HVCN1: variants seen among roughly 807,000 people sequenced by gnomAD.
The protein encoded by HVCN1 is voltage-gated hydrogen channel 1.
HVCN1 carries 14 observed loss-of-function variants against 29.2 expected under a neutral mutation model. The observed-to-expected ratio is 0.48, with a 90% CI of 0.32 to 0.75. The LOEUF (loss-of-function observed/expected upper bound fraction) is 0.75. Among genes scored for constraint, HVCN1 ranks in the 30% least tolerant of loss-of-function variants. The pLI is 0.04. For missense variants in HVCN1, 263 were observed against 341.8 expected, an observed-to-expected ratio of 0.77 and a Z score of 1.82; for synonymous variants, 131 against 133.2, an observed-to-expected ratio of 0.98 and a Z score of 0.11.
chr12:110,656,534 A>T (rs925493759), intron 4 of HVCN1, among the ~76,000 whole-genome samples: 1 of 152,134 alleles, frequency 6.6e-6, no homozygotes, highest in African/African-American at 2.4e-5. Context: ...AAGGACCTCG[A>T]GTGACCCTTC....
intron 2 of HVCN1, among the ~76,000 whole-genome samples, chr12:110,684,760 C>A (rs970971141): frequency 2.0e-5 from 3 of 152,134 alleles, no homozygotes; most frequent in African/African-American, 7.2e-5. Flanking sequence ...GTGATCTATG[C>A]ATGTAGTAAA....
rs146855907 is a variant in HVCN1 at position 110,651,375 on chromosome 12, C to T, written c.485G>A (p.Arg162His). Residue 162 changes from arginine to histidine, a missense_variant, in exon 6 of 8, where the codon CGC (arginine) becomes CAC (histidine). Around this residue, in one of 3 missense-constraint regions of HVCN1, gnomAD observed 55 missense variants for 109.4 expected, o/e 0.50. Transcript: ENST00000242607. Reference sequence around the variant, plus strand: ...AAACTTGTGGTGAAAGAACTCCAGGCGGAAGACAAATAATTTAAAGATGAT... The same window carrying T: ...AAACTTGTGGTGAAAGAACTCCAGGTGGAAGACAAATAATTTAAAGATGAT... The part of the protein sequence containing the change: ...MEIIFKLFVF[R>H]LEFFHHKFEI... The T allele has an allele frequency of 3.2e-5, 51 of 1,613,754 alleles. No individual in the cohort carries two copies. The highest frequency in any genetic ancestry group is 1.6e-4 in the Middle Eastern group (1 of 6,084).
At chr12:110,655,776 C>G (rs555776274) in intron 4 of HVCN1, among the ~76,000 whole-genome samples, 1 of 151,798 alleles carries the variant, frequency 6.6e-6, no homozygotes, top group Non-Finnish European at 1.5e-5. Context: ...ATGATCTCGC[C>G]TCACTGCAAC....
At chr12:110,696,844 A>C (rs1326102906) in intron 2 of HVCN1, among the ~76,000 whole-genome samples, 1 of 152,206 alleles carries the variant, frequency 6.6e-6, no homozygotes, top group African/African-American at 2.4e-5. Context: ...TTTGATTAAA[A>C]AAGATAACTC....
intron 2 of HVCN1, among the ~76,000 whole-genome samples, chr12:110,696,973 G>A (rs1269137649): frequency 6.6e-6 from 1 of 152,004 alleles, no homozygotes; most frequent in African/African-American, 2.4e-5. Context: ...GAAGGAAAAA[G>A]GGGCATGATT....
intron 3 of HVCN1, among the ~76,000 whole-genome samples, chr12:110,675,557 T>C (rs2068725103): frequency 6.6e-6 from 1 of 151,972 alleles, no homozygotes; most frequent in Non-Finnish European, 1.5e-5. Context: ...TCTCTGCCAA[T>C]ACAGAGAAAA....
chr12:110,661,237 G>A lies in HVCN1; in HGVS notation c.233C>T (p.Pro78Leu), dbSNP rs770864061. 1 of 1,614,000 alleles carries A rather than the reference G, an allele frequency of 6.2e-7. No individual in the cohort carries two copies. Among genetic ancestry groups the A allele is most frequent in the Admixed American group, 1.7e-5 (1 of 60,024 alleles). The change falls in exon 4 of 8, where the codon CCT becomes CTT. Residue 78 changes from proline (P) to leucine (L), a missense_variant. By Grantham distance (98) the Pro-to-Leu change is moderately conservative. This residue lies in a region of HVCN1 where 157 missense variants were observed against 181.3 expected (regional missense o/e 0.87). Transcript: ENST00000242607. This position sits in a 1 kb window ranked among gnomAD's most constrained non-coding sequence, Gnocchi z 6.2. Reference sequence around the variant, plus strand: ...AAGGGGGGCCCTGGGTGCGGGGCCAGGGGCAGGGGCAACGTCAGGGGCTGC... The same window carrying A: ...AAGGGGGGCCCTGGGTGCGGGGCCAAGGGCAGGGGCAACGTCAGGGGCTGC... ...RAAAPDVAPA[P>L]GPAPRAPLDF...
upstream of HVCN1, among the ~76,000 whole-genome samples, chr12:110,692,314 C>T (rs993666714): frequency 3.3e-5 from 5 of 152,200 alleles, no homozygotes; most frequent in Admixed American, 1.3e-4. Flanking sequence ...CAGACTAACA[C>T]GTGACCACCT....
intron 2 of HVCN1, among the ~76,000 whole-genome samples, chr12:110,701,959 T>A (rs1290702203): frequency 6.6e-6 from 1 of 150,784 alleles, no homozygotes; most frequent in African/African-American, 2.4e-5. Flanking sequence ...TTTCTTTTTT[T>A]TTTGAGACGG....
At chr12:110,699,805 A>G (rs1056931909) in intron 2 of HVCN1, among the ~76,000 whole-genome samples, 2 of 152,108 alleles carry the variant, frequency 1.3e-5, no homozygotes, top group African/African-American at 2.4e-5. Flanking sequence ...AGTTAGGATT[A>G]TGTTCTGCGC....
chr12:110,673,383 ATAAGGGAAG>A (rs2068646984), intron 3 of HVCN1, among the ~76,000 whole-genome samples: 1 of 152,240 alleles, frequency 6.6e-6, no homozygotes, highest in South Asian at 2.1e-4. Flanking sequence ...ATTCAGTTGT[ATAAGGGAAG>A]TAAGGCATAA....
At chr12:110,681,896 A>G (rs2068991914) in intron 3 of HVCN1, among the ~76,000 whole-genome samples, 1 of 152,062 alleles carries the variant, frequency 6.6e-6, no homozygotes, top group Non-Finnish European at 1.5e-5. Context: ...TGCACCTCAC[A>G]TATCAAAGAC....
In HVCN1 at chr12:110,651,513, A is replaced by G. The variant is rs1189454714; in HGVS notation, c.412-65T>C. ...CTCTGGGAGGTCAAGCTGCCCTCACATGCACCTGCCTGGTCACCAGCAAGA... is the reference window on the plus strand; with the variant it reads ...CTCTGGGAGGTCAAGCTGCCCTCACGTGCACCTGCCTGGTCACCAGCAAGA... On this transcript the variant is annotated intron_variant, in intron 5 of 7. Transcript: ENST00000242607. 4 of 1,018,140 alleles carry G rather than the reference A, an allele frequency of 3.9e-6. No individual in the cohort carries two copies. In the Admixed American group the frequency reaches 7.0e-5, roughly 18 times the overall value. The allele number at this position is 1,018,140 out of a possible 1,614,324, so 63.1% of individuals were successfully genotyped here. A position where few individuals can be genotyped will look rare whatever the true frequency, so the allele number is the denominator to read the frequency against.
intron 2 of HVCN1, among the ~76,000 whole-genome samples, chr12:110,699,884 A>G (rs1410862470): frequency 1.3e-5 from 2 of 152,106 alleles, no homozygotes; most frequent in Non-Finnish European, 2.9e-5. Context: ...GGCTGGAGGC[A>G]TGAAGTCCAG....
intron 3 of HVCN1, among the ~76,000 whole-genome samples, chr12:110,675,924 AAAAT>A (rs1318601029): frequency 2.6e-5 from 4 of 152,142 alleles, no homozygotes; most frequent in African/African-American, 7.2e-5. Flanking sequence ...TAATAATAAT[AAAAT>A]AAATAAATAA....
intron 2 of HVCN1, chr12:110,688,291 G>C (rs55752061): frequency 0.094 from 14,327 of 152,348 alleles, 730 homozygotes; most frequent in Middle Eastern, 0.11. Flanking sequence ...GAGCCTGCAA[G>C]ATCCCCCACA....
chr12:110,677,267 A>G (rs2068779702), intron 3 of HVCN1, among the ~76,000 whole-genome samples: 1 of 150,870 alleles, frequency 6.6e-6, no homozygotes, highest in Admixed American at 6.6e-5. Flanking sequence ...CGCTCTATCT[A>G]GCCTCTGTCT....
At chr12:110,695,632 A>T (rs2069477698) in intron 2 of HVCN1, among the ~76,000 whole-genome samples, 1 of 152,238 alleles carries the variant, frequency 6.6e-6, no homozygotes, top group African/African-American at 2.4e-5. Flanking sequence ...TGAGATGCAG[A>T]TCCACTGAGG....
intron 3 of HVCN1, among the ~76,000 whole-genome samples, chr12:110,664,564 C>G (rs1037189897): frequency 1.3e-5 from 2 of 152,134 alleles, no homozygotes; most frequent in African/African-American, 4.8e-5. Context: ...AATTATAAAA[C>G]TGGATAAAAT....
Sources: gnomAD v4.1 joint callset for allele counts (sites outside exome capture counted in the v4.1 genomes callset) on GRCh38, gnomAD v4.1.1 for gene constraint, gnomAD v4.1.1 regional missense constraint, Gnocchi (gnomAD v3.1) non-coding constraint, MANE v1.5 for transcripts, NCBI Gene and HGNC (gene_info 2026-07-23, HGNC 2026-07-21) for gene names.